MCF2L2: variants seen among roughly 807,000 people sequenced by gnomAD.
MCF2L2 encodes probable guanine nucleotide exchange factor MCF2L2.
A neutral mutation model predicts 150.2 loss-of-function variants in MCF2L2; 102 were observed. The ratio of observed to expected loss-of-function variants is 0.68; its 90% CI spans 0.58 to 0.80. The LOEUF is 0.80. Ranked by LOEUF, MCF2L2 falls within the 30% of genes least tolerant of loss-of-function variation. The pLI is 0.00. For missense variants in MCF2L2, 1,256 were observed against 1,372.8 expected (o/e 0.91, Z 1.34); for synonymous variants, 465 against 491.3 (o/e 0.95, Z 0.71).
chr3:183,358,789 ATT>A (rs111839697), intron 3 of MCF2L2, among the ~76,000 whole-genome samples: 2 of 149,484 alleles, frequency 1.3e-5, no homozygotes, highest in African/African-American at 4.9e-5. Flanking sequence ...TCCAGTTAAT[ATT>A]TTTTTTTTAT....
At chr3:183,304,632 A>ATT (rs202057975) in intron 10 of MCF2L2, among the ~76,000 whole-genome samples, 10 of 144,386 alleles carry the variant, frequency 6.9e-5, no homozygotes, top group East Asian at 4.0e-4. Flanking sequence ...TGCCTGGCTA[A>ATT]TTTTTTTTTT....
chr3:183,327,591 CCT>C (rs979483983), intron 5 of MCF2L2, among the ~76,000 whole-genome samples: 15 of 152,168 alleles, frequency 9.9e-5, no homozygotes, highest in Admixed American at 1.3e-4. Context: ...CCTTTAAAAA[CCT>C]CTGTCTCCCT....
At chr3:183,304,160 A>C (rs773987524) in intron 10 of MCF2L2, among the ~76,000 whole-genome samples, 3 of 152,146 alleles carry the variant, frequency 2.0e-5, no homozygotes, top group Non-Finnish European at 4.4e-5. Flanking sequence ...TGATCAGAGC[A>C]CCTGCTTCAT....
intron 15 of MCF2L2, among the ~76,000 whole-genome samples, chr3:183,269,227 A>G: frequency 1.2e-5 from 1 of 83,044 alleles, no homozygotes; most frequent in African/African-American, 9.1e-5. Context: ...GCCGTTTGGG[A>G]AGCTTTTTTT....
intron 15 of MCF2L2, among the ~76,000 whole-genome samples, chr3:183,234,839 C>A (rs1239801983): frequency 7.3e-5 from 9 of 123,458 alleles, no homozygotes; most frequent in African/African-American, 2.9e-4. Flanking sequence ...CAATGCTATC[C>A]CTCCCCTCTC....
chr3:183,221,658 A>G (rs958942059), intron 20 of MCF2L2, among the ~76,000 whole-genome samples: 2 of 152,200 alleles, frequency 1.3e-5, no homozygotes, highest in Non-Finnish European at 2.9e-5. Flanking sequence ...GACTTCTACA[A>G]TAGGAATGAC....
At chr3:183,188,577 C>CTA (rs1428542732) in intron 27 of MCF2L2, among the ~76,000 whole-genome samples, 32 of 152,234 alleles carry the variant, frequency 2.1e-4, no homozygotes, top group African/African-American at 7.0e-4. Flanking sequence ...TCCCACTACT[C>CTA]TGTCAGGCAC....
chr3:183,292,721 G>C (rs936786550), intron 13 of MCF2L2, among the ~76,000 whole-genome samples: 44 of 152,066 alleles, frequency 2.9e-4, no homozygotes, highest in African/African-American at 9.4e-4. Context: ...AGGATGGATG[G>C]GGAGCATATG....
At chr3:183,240,369 A>T (rs981671027) in intron 15 of MCF2L2, among the ~76,000 whole-genome samples, 1 of 152,172 alleles carries the variant, frequency 6.6e-6, no homozygotes, top group Non-Finnish European at 1.5e-5. Flanking sequence ...AGCTGGGGTT[A>T]AAGTTGCCTG....
intron 1 of MCF2L2, among the ~76,000 whole-genome samples, chr3:183,419,868 G>A (rs1715788452): frequency 6.6e-6 from 1 of 151,966 alleles, no homozygotes. Context: ...GTGAGACTCT[G>A]CCTCAGAAAA....
At chr3:183,329,340 C>A (rs1449594066) in intron 5 of MCF2L2, among the ~76,000 whole-genome samples, 3 of 152,152 alleles carry the variant, frequency 2.0e-5, no homozygotes, top group African/African-American at 7.2e-5. Context: ...GGCACACCCA[C>A]CATGCCCAGC....
At chr3:183,388,904 C>A (rs1014929850) in intron 2 of MCF2L2, among the ~76,000 whole-genome samples, 1 of 152,020 alleles carries the variant, frequency 6.6e-6, no homozygotes, top group Non-Finnish European at 1.5e-5. Context: ...AAAATTCACA[C>A]CAACTACATA....
intron 15 of MCF2L2, 101 bp from the exon 16 acceptor site, chr3:183,231,118 C>T: frequency 1.1e-6 from 1 of 886,300 alleles, no homozygotes; most frequent in South Asian, 1.4e-5. Context: ...AATACAGTTC[C>T]CTTTTAGTGG....
chr3:183,272,305 A>G (rs921391552), intron 15 of MCF2L2: 6 of 1,000,312 alleles, frequency 6.0e-6, no homozygotes, highest in Non-Finnish European at 6.0e-6. Flanking sequence ...GGGAGATTAT[A>G]TGAAGGCCAA....
chr3:183,329,067 T>G (rs60249767), intron 5 of MCF2L2, among the ~76,000 whole-genome samples: 1 of 152,190 alleles, frequency 6.6e-6, no homozygotes, highest in Non-Finnish European at 1.5e-5. Context: ...GGAATTCACA[T>G]ACATTGCTGG....
At chr3:183,192,071 G>A (rs909005782) in intron 27 of MCF2L2, among the ~76,000 whole-genome samples, 23 of 150,202 alleles carry the variant, frequency 1.5e-4, no homozygotes, top group African/African-American at 7.4e-5. Context: ...GGGTGATCTC[G>A]ATCTCCTGAC....
Position 183,322,092 on chromosome 3 carries a change from C to T in MCF2L2, c.603+1143G>A, listed in dbSNP as rs149771872. Among the ~76,000 whole-genome samples, 727 of 152,370 alleles carry T rather than the reference C, an allele frequency of 4.8e-3. 1 individual carries two copies. Among genetic ancestry groups the T allele is most frequent in the Admixed American group, 9.3e-3 (143 of 15,310 alleles). On this transcript the variant is annotated intron_variant, in intron 6 of 29. Transcript: ENST00000328913. ...ACTTAATACATCCCAAAAGCCCCCT[C>T]CTCTTAATGCTATCACATTAGGTTC... is the stretch of plus-strand genomic sequence containing the variant.
intron 3 of MCF2L2, among the ~76,000 whole-genome samples, chr3:183,347,174 C>T (rs917555063): frequency 3.9e-5 from 6 of 152,110 alleles, no homozygotes; most frequent in African/African-American, 4.8e-5. Flanking sequence ...GCTACAGTAA[C>T]CAAAACAGCA....
chr3:183,267,943 C>G lies in MCF2L2; in HGVS notation c.1862+8929G>C, dbSNP rs1052562666. Among the ~76,000 whole-genome samples, 6 of 152,322 alleles carry G rather than the reference C, an allele frequency of 3.9e-5. No homozygotes were observed. Among genetic ancestry groups the G allele is most frequent in the Middle Eastern group, 3.4e-3 (1 of 294 alleles). On this transcript the variant is annotated intron_variant, in intron 15 of 29. Transcript: ENST00000328913. The surrounding 1 kb of genome is among the most constrained non-coding windows in gnomAD (Gnocchi z 5.5). ...GGGAATGCCTACCAGGGGTCACACA[C>G]TGAGCTGGATGCTGAGTGTAGGGTG...
Sources: allele counts gnomAD v4.1 joint callset (sites outside exome capture counted in the v4.1 genomes callset), GRCh38; gene constraint gnomAD v4.1.1; non-coding constraint Gnocchi (gnomAD v3.1); transcripts MANE v1.5; gene names NCBI Gene and HGNC (gene_info 2026-07-23, HGNC 2026-07-21).